The following TBCEL variants were observed in gnomAD, a reference collection of about 807,000 sequenced individuals.
TBCEL encodes tubulin-specific chaperone cofactor E-like protein.
A neutral mutation model predicts 44.2 loss-of-function variants in TBCEL; 15 were observed. That is an observed-to-expected ratio of 0.34 (90% CI 0.23 to 0.52). The LOEUF (loss-of-function observed/expected upper bound fraction) is 0.52, where lower values mean the gene tolerates loss of function less well. Ranked by LOEUF, TBCEL falls within the 20% of genes least tolerant of loss-of-function variation. TBCEL has a pLI of 0.95. For missense variants in TBCEL, 319 were observed against 506.3 expected (o/e 0.63, Z 3.55); for synonymous variants, 171 against 185.4 (o/e 0.92, Z 0.63).
chr11:121,060,094 T>C lies in TBCEL; in HGVS notation c.956+9T>C. 6.3e-7 allele frequency: 1 copy of C among 1,598,450 alleles called. No homozygotes were observed. The highest frequency in any genetic ancestry group is 8.6e-7 in the Non-Finnish European group (1 of 1,166,986). ...GAAGAAGTGCCATTCAGGTAAAAAA[T>C]TCCCCATTGGCCAAACACTTTAGAG... On this transcript the variant is annotated intron_variant, in intron 8 of 8. Coordinates refer to ENST00000683345, the MANE Select transcript of TBCEL (RefSeq NM_001363644.2).
chr11:121,030,796 C>A (rs958425865), intron 1 of TBCEL, among the ~76,000 whole-genome samples: 1 of 151,726 alleles, frequency 6.6e-6, no homozygotes, highest in African/African-American at 2.4e-5. Context: ...ATGTACGCAA[C>A]CTTAAATGAT....
chr11:121,053,474 C>T (rs917257967), intron 4 of TBCEL, 77 bp from the exon 5 acceptor site: 5 of 1,421,118 alleles, frequency 3.5e-6, no homozygotes, highest in Admixed American at 1.9e-5. Context: ...ACCAGCTCCT[C>T]TAGGCTTTCT....
intron 8 of TBCEL, among the ~76,000 whole-genome samples, chr11:121,085,236 C>T (rs1946195053): frequency 2.0e-5 from 3 of 151,998 alleles, no homozygotes; most frequent in Admixed American, 1.3e-4. Flanking sequence ...GACAGGGTTT[C>T]ACCATGTTGA....
chr11:121,064,203 T>A (rs1210818386), intron 8 of TBCEL, among the ~76,000 whole-genome samples: 5 of 152,202 alleles, frequency 3.3e-5, no homozygotes, highest in African/African-American at 1.2e-4. Flanking sequence ...CTAGATGTAA[T>A]CATGAGCTGT....
chr11:121,029,563 C>G (rs1411778679), intron 1 of TBCEL, among the ~76,000 whole-genome samples: 2 of 152,174 alleles, frequency 1.3e-5, no homozygotes, highest in Non-Finnish European at 2.9e-5. Context: ...GAACTCAGAA[C>G]TAACTGAAGA....
At chr11:121,052,661 T>C (rs538306884) in intron 4 of TBCEL, among the ~76,000 whole-genome samples, 1 of 152,042 alleles carries the variant, frequency 6.6e-6, no homozygotes, top group South Asian at 2.1e-4. Context: ...CAGTTTTCTT[T>C]ATTCATTTTT....
At chr11:121,070,487 A>G (rs1480079757) in intron 8 of TBCEL, among the ~76,000 whole-genome samples, 1 of 152,180 alleles carries the variant, frequency 6.6e-6, no homozygotes, top group African/African-American at 2.4e-5. Context: ...GATTAAGAAA[A>G]TGTGGCACAT....
Position 121,055,251 on chromosome 11 carries a change from G to C in TBCEL, c.655G>C (p.Asp219His). ...NNHLNAIEEP[D>H]DSLARLFPNL... The stretch of plus-strand genomic sequence containing the variant: ...TCATTTGAATGCTATTGAGGAGCCT[G>C]ATGATTCATTGGCCAGGTTGTTTCC... The change falls in exon 6 of 9, where the codon GAT (aspartate) becomes CAT (histidine). Residue 219 changes from aspartate to histidine, a missense_variant. Coordinates refer to ENST00000683345, the MANE Select transcript of TBCEL (RefSeq NM_001363644.2). The C allele has an allele frequency of 6.2e-7, 1 of 1,611,868 alleles. No individual in the cohort carries two copies. Among genetic ancestry groups the C allele is most frequent in the Non-Finnish European group, 8.5e-7 (1 of 1,178,816 alleles).
chr11:121,034,194 G>C (rs1945190562), intron 1 of TBCEL, among the ~76,000 whole-genome samples: 1 of 152,082 alleles, frequency 6.6e-6, no homozygotes, highest in African/African-American at 2.4e-5. Context: ...CACACCAGTT[G>C]TACCATTTGC....
rs184416758 is a variant in TBCEL, at chr11:121,065,009, G to T, written c.956+4924G>T. ...CCCAGCTAATTTTTTTGTATTTTTAGTGGAGACGGGGTTTCACCATGTTAG... is the reference window on the plus strand; with the variant it reads ...CCCAGCTAATTTTTTTGTATTTTTATTGGAGACGGGGTTTCACCATGTTAG... On this transcript the variant is annotated intron_variant, in intron 8 of 8. Coordinates refer to ENST00000683345, the MANE Select transcript of TBCEL (RefSeq NM_001363644.2). Among the ~76,000 whole-genome samples the T allele has an allele frequency of 6.6e-3, 999 of 152,000 alleles. 11 individuals carry two copies. Among genetic ancestry groups the T allele is most frequent in the African/African-American group, 0.023 (945 of 41,450 alleles).
chr11:121,051,876 C>T (rs1945535536), intron 4 of TBCEL, among the ~76,000 whole-genome samples: 1 of 151,794 alleles, frequency 6.6e-6, no homozygotes. Context: ...CTACTTCTCA[C>T]TGATTTTAGA....
intron 8 of TBCEL, among the ~76,000 whole-genome samples, chr11:121,085,947 T>C (rs1946208711): frequency 6.6e-6 from 1 of 152,212 alleles, no homozygotes; most frequent in African/African-American, 2.4e-5. Flanking sequence ...TTAAAGTGAC[T>C]TCGTTGTATC....
rs117883429 is a variant in TBCEL, at chr11:121,074,296, C to T, written c.957-12482C>T. On this transcript the variant is annotated intron_variant, in intron 8 of 8. Coordinates refer to ENST00000683345, the MANE Select transcript of TBCEL (RefSeq NM_001363644.2). ...CCTTAGTAGCTAATCAAGTATTTGG[C>T]CCCTAGGCAGCCACTGATACTATTT... Among the ~76,000 whole-genome samples the T allele has an allele frequency of 3.9e-4, 59 of 152,082 alleles. 2 individuals carry two copies. In the East Asian group the frequency reaches 0.011, roughly 27 times the overall value.
At chr11:121,033,849 A>C (rs1945185312) in intron 1 of TBCEL, among the ~76,000 whole-genome samples, 1 of 151,512 alleles carries the variant, frequency 6.6e-6, no homozygotes, top group Non-Finnish European at 1.5e-5. Flanking sequence ...ACCATTCTAC[A>C]GTGTCAATGA....
chr11:121,030,872 AT>A (rs67391664), intron 1 of TBCEL, among the ~76,000 whole-genome samples: 28,977 of 144,214 alleles, frequency 0.2, 3,060 homozygotes, highest in East Asian at 0.38. Flanking sequence ...TATTCTTGTG[AT>A]TTTTTTTTTT....
chr11:121,051,823 C>T (rs2076791599), intron 4 of TBCEL, among the ~76,000 whole-genome samples: 1 of 151,784 alleles, frequency 6.6e-6, no homozygotes, highest in Admixed American at 6.6e-5. Context: ...ATGCAGGGAA[C>T]CTTTTCTTCT....
At chr11:121,079,455 A>G (rs1356657286) in intron 8 of TBCEL, among the ~76,000 whole-genome samples, 1 of 152,244 alleles carries the variant, frequency 6.6e-6, no homozygotes, top group East Asian at 1.9e-4. Context: ...AGATAGTCTC[A>G]GAATAAAACC....
chr11:121,072,699 GA>G (rs924730325), intron 8 of TBCEL, among the ~76,000 whole-genome samples: 1 of 151,568 alleles, frequency 6.6e-6, no homozygotes, highest in East Asian at 1.9e-4. Context: ...GTATTTTGTT[GA>G]AAAAAACTTT....
Position 121,058,329 on chromosome 11 carries a change from T to A in TBCEL, c.713-16T>A, listed in dbSNP as rs1945659348. 2 of 1,609,170 alleles carry A rather than the reference T, an allele frequency of 1.2e-6. No homozygotes were observed. The highest frequency in any genetic ancestry group is 2.2e-5 in the South Asian group (2 of 90,750). ...TGCATCTCTGGATTTACTTAAACAA[T>A]ATGTTCTCAAATTAGGTTTGCAGTC... On this transcript the variant is annotated splice_polypyrimidine_tract_variant and intron_variant, in intron 6 of 8. Transcript: ENST00000683345.
Sources: gnomAD v4.1 joint callset for allele counts (sites outside exome capture counted in the v4.1 genomes callset) on GRCh38, gnomAD v4.1.1 for gene constraint, MANE v1.5 for transcripts, NCBI Gene and HGNC (gene_info 2026-07-23, HGNC 2026-07-21) for gene names.